Variants in LDLRAD4 observed in about 807,000 individuals in gnomAD.
LDLRAD4 encodes the protein low density lipoprotein receptor class A domain containing 4, also known as low-density lipoprotein receptor class A domain-containing protein 4.
A neutral mutation model predicts 17.0 loss-of-function variants in LDLRAD4; 5 were observed. That is an observed-to-expected ratio of 0.29 (90% CI 0.15 to 0.62). LDLRAD4 has a LOEUF of 0.62. Ranked by LOEUF, LDLRAD4 falls within the 20% of genes least tolerant of loss-of-function variation. The pLI, the probability that LDLRAD4 is intolerant of heterozygous loss-of-function variation, is 0.84. For synonymous variants in LDLRAD4, 168 were observed against 171.8 expected, an observed-to-expected ratio of 0.98 and a Z score of 0.17; for missense variants, 340 against 424.7, an observed-to-expected ratio of 0.80 and a Z score of 1.75.
At chr18:13,634,897 G>A (rs1170853745) in intron 4 of LDLRAD4, among the ~76,000 whole-genome samples, 1 of 152,092 alleles carries the variant, frequency 6.6e-6, no homozygotes, top group Admixed American at 6.5e-5. Flanking sequence ...TAGACCAGTG[G>A]AATAGAACAG....
upstream of LDLRAD4, chr18:13,217,785 T>C (rs1266280438): frequency 6.6e-6 from 1 of 151,118 alleles, no homozygotes; most frequent in Admixed American, 6.6e-5. The surrounding 1 kb of genome is among the most constrained non-coding windows in gnomAD (Gnocchi z 4.9). Context: ...GCGAGTGCGT[T>C]GGCCCTGCCC....
chr18:13,339,805 A>G (rs1233007966), intron 1 of LDLRAD4, among the ~76,000 whole-genome samples: 1 of 152,184 alleles, frequency 6.6e-6, no homozygotes, highest in Non-Finnish European at 1.5e-5. Context: ...TAAAATTGAC[A>G]GTTTTAATAA....
intron 3 of LDLRAD4, among the ~76,000 whole-genome samples, chr18:13,519,558 C>T (rs1376047865): frequency 1.3e-5 from 2 of 152,086 alleles, no homozygotes; most frequent in Non-Finnish European, 2.9e-5. Context: ...CTCAGGAGTT[C>T]GAGACCAGCC....
chr18:13,380,307 G>A (rs943901293), intron 1 of LDLRAD4, among the ~76,000 whole-genome samples: 1 of 152,214 alleles, frequency 6.6e-6, no homozygotes, highest in Non-Finnish European at 1.5e-5. Context: ...TGGTGCAGGT[G>A]TGCACGGCTG....
At chr18:13,564,316 C>T (rs1034296233) in intron 3 of LDLRAD4, among the ~76,000 whole-genome samples, 1 of 152,156 alleles carries the variant, frequency 6.6e-6, no homozygotes, top group Non-Finnish European at 1.5e-5. Flanking sequence ...TTCAAGTAGT[C>T]CTTGTCAGAA....
At position 13,352,455 on chromosome 18, in the gene LDLRAD4, G is replaced by C. The variant is rs139072680; in HGVS notation, c.-382-34886G>C. ...GCCTTTGGGCTGCTGGGTTTCTGCT[G>C]AACAATGTGCTGATTATCTTACTGG... On this transcript the variant is annotated intron_variant, in intron 1 of 5. Transcript: ENST00000359446. Among the ~76,000 whole-genome samples the C allele has an allele frequency of 5.2e-4, 79 of 152,272 alleles. 1 individual carries two copies. Among genetic ancestry groups the C allele is most frequent in the African/African-American group, 1.8e-3 (76 of 41,548 alleles).
At chr18:13,317,242 A>C (rs917953369) in intron 1 of LDLRAD4, among the ~76,000 whole-genome samples, 5 of 152,192 alleles carry the variant, frequency 3.3e-5, no homozygotes, top group African/African-American at 7.2e-5. Flanking sequence ...AGCCACAAAA[A>C]AGATATTTCT....
At chr18:13,507,457 T>C (rs1364601248) in intron 3 of LDLRAD4, among the ~76,000 whole-genome samples, 1 of 152,246 alleles carries the variant, frequency 6.6e-6, no homozygotes, top group Non-Finnish European at 1.5e-5. Context: ...CTTGGAACAA[T>C]AGCCTCCATC....
chr18:13,331,464 C>T (rs886371583), intron 1 of LDLRAD4, among the ~76,000 whole-genome samples: 1 of 152,158 alleles, frequency 6.6e-6, no homozygotes, highest in Non-Finnish European at 1.5e-5. Flanking sequence ...GAAAATAAGC[C>T]CTCCAGTTTC....
intron 1 of LDLRAD4, among the ~76,000 whole-genome samples, chr18:13,343,192 T>G (rs930027728): frequency 6.6e-6 from 1 of 151,860 alleles, no homozygotes; most frequent in African/African-American, 2.4e-5. Flanking sequence ...ATTAACTCGT[T>G]ATTTAACATT....
At chr18:13,496,643 G>A (rs1188607801) in intron 3 of LDLRAD4, among the ~76,000 whole-genome samples, 1 of 152,184 alleles carries the variant, frequency 6.6e-6, no homozygotes, top group East Asian at 1.9e-4. Flanking sequence ...TGTTTTCCGA[G>A]AGGAGGACAC....
At chr18:13,627,992 C>T (rs1469451857) in intron 4 of LDLRAD4, among the ~76,000 whole-genome samples, 1 of 152,158 alleles carries the variant, frequency 6.6e-6, no homozygotes, top group Non-Finnish European at 1.5e-5. Context: ...CCCTCCCCTG[C>T]AGATAGAGGC....
intron 3 of LDLRAD4, among the ~76,000 whole-genome samples, chr18:13,444,561 G>A (rs553033748): frequency 6.6e-6 from 1 of 152,210 alleles, no homozygotes; most frequent in Non-Finnish European, 1.5e-5. Flanking sequence ...ACCACACGGA[G>A]ATCACAGCCC....
chr18:13,466,472 CAA>C (rs5823251), intron 3 of LDLRAD4, among the ~76,000 whole-genome samples: 26 of 108,396 alleles, frequency 2.4e-4, no homozygotes, highest in East Asian at 1.4e-3. Context: ...CTTGTTTCAC[CAA>C]AAAAAAAAAA....
intron 3 of LDLRAD4, among the ~76,000 whole-genome samples, chr18:13,467,159 AG>A (rs1383547885): frequency 6.6e-6 from 1 of 152,256 alleles, no homozygotes; most frequent in African/African-American, 2.4e-5. Context: ...CAACTAGACA[AG>A]AAAAAGAAAT....
intron 3 of LDLRAD4, among the ~76,000 whole-genome samples, chr18:13,502,891 T>A (rs1404196310): frequency 2.0e-5 from 3 of 152,218 alleles, no homozygotes; most frequent in Non-Finnish European, 2.9e-5. Flanking sequence ...GGATCCCAGT[T>A]GTTGGAGGTC....
chr18:13,234,158 G>A (rs776549271), intron 1 of LDLRAD4, among the ~76,000 whole-genome samples: 19 of 152,134 alleles, frequency 1.2e-4, no homozygotes, highest in South Asian at 2.1e-4. Flanking sequence ...CTCCCCACCC[G>A]CGATGGTCTG....
chr18:13,540,102 CA>C (rs1453827490), intron 3 of LDLRAD4, among the ~76,000 whole-genome samples: 1 of 152,222 alleles, frequency 6.6e-6, no homozygotes, highest in Non-Finnish European at 1.5e-5. Context: ...AGAAGTTACG[CA>C]GCCAGATGCC....
chr18:13,433,287 A>T (rs560956905), intron 2 of LDLRAD4, among the ~76,000 whole-genome samples: 2 of 152,338 alleles, frequency 1.3e-5, no homozygotes, highest in South Asian at 4.1e-4. Flanking sequence ...GAAATGATGG[A>T]GCCAGAATCA....
Sources: allele counts gnomAD v4.1 joint callset (sites outside exome capture counted in the v4.1 genomes callset), GRCh38; gene constraint gnomAD v4.1.1; non-coding constraint Gnocchi (gnomAD v3.1); transcripts MANE v1.5; gene names NCBI Gene and HGNC (gene_info 2026-07-23, HGNC 2026-07-21).